The following RIMS2 variants were observed in gnomAD, a reference collection of about 807,000 sequenced individuals.
RIMS2 encodes the protein regulating synaptic membrane exocytosis protein 2.
Under a neutral mutation model 174.4 loss-of-function variants are expected in RIMS2, and 59 were observed. That is an observed-to-expected ratio of 0.34 (90% CI 0.27 to 0.42). RIMS2 has a LOEUF of 0.42. Ranked by LOEUF, RIMS2 falls within the 10% of genes least tolerant of loss-of-function variation. The probability of loss-of-function intolerance (pLI) is 1.00; values close to 1 mark genes in which losing one functional copy is unlikely to be tolerated. For synonymous variants in RIMS2, 606 were observed against 572.5 expected, an observed-to-expected ratio of 1.06 and a Z score of -0.84; for missense variants, 1,620 against 1,666.3, an observed-to-expected ratio of 0.97 and a Z score of 0.48.
intron 19 of RIMS2, among the ~76,000 whole-genome samples, chr8:104,177,552 A>C (rs2098910484): frequency 6.6e-6 from 1 of 152,194 alleles, no homozygotes. Context: ...CAAAAGTAAA[A>C]TAAATTTAAA....
intron 3 of RIMS2, among the ~76,000 whole-genome samples, chr8:103,868,537 G>A (rs2099094485): frequency 6.6e-6 from 1 of 152,022 alleles, no homozygotes. Context: ...AATGTGTTTA[G>A]TAGTCATTAT....
intron 19 of RIMS2, among the ~76,000 whole-genome samples, chr8:104,178,065 A>T (rs1483827801): frequency 6.6e-6 from 1 of 152,176 alleles, no homozygotes; most frequent in Non-Finnish European, 1.5e-5. Context: ...ACAAATGTAG[A>T]GGCTCAAAAC....
chr8:104,110,921 C>T lies in RIMS2; in HGVS notation c.3334+96306C>T, dbSNP rs541243808. ...TATTTTAGTGTAATACTTTCAGAGT[C>T]ATTCAGGGAATGTGCTTAAAACTCA... On this transcript the variant is annotated intron_variant, in intron 19 of 23. Coordinates refer to ENST00000504942, the Ensembl canonical transcript of RIMS2. Among the ~76,000 whole-genome samples, 18 of 152,258 alleles carry T rather than the reference C, an allele frequency of 1.2e-4. No homozygotes were observed. In the South Asian group the frequency reaches 3.5e-3, roughly 30 times the overall value.
chr8:103,805,948 T>C (rs905404294), intron 3 of RIMS2, among the ~76,000 whole-genome samples: 1 of 152,106 alleles, frequency 6.6e-6, no homozygotes, highest in African/African-American at 2.4e-5. Flanking sequence ...ATGGCAAGAC[T>C]ACAGTGTGTG....
intron 19 of RIMS2, among the ~76,000 whole-genome samples, chr8:104,015,906 G>A (rs1182997103): frequency 2.0e-5 from 3 of 152,034 alleles, no homozygotes; most frequent in African/African-American, 4.8e-5. Context: ...AGAAAAGAAA[G>A]TTGTTGAATT....
intron 1 of RIMS2, among the ~76,000 whole-genome samples, chr8:103,695,121 CTG>C (rs1160038121): frequency 6.6e-6 from 1 of 152,134 alleles, no homozygotes; most frequent in Non-Finnish European, 1.5e-5. Context: ...GCTGTGTTGT[CTG>C]TGGTTGGGGA....
intron 2 of RIMS2, among the ~76,000 whole-genome samples, chr8:103,749,499 A>G (rs1433396658): frequency 6.6e-6 from 1 of 151,930 alleles, no homozygotes; most frequent in East Asian, 1.9e-4. Context: ...TTTTTGGTAC[A>G]TAGTAGGTGT....
intron 1 of RIMS2, among the ~76,000 whole-genome samples, chr8:103,622,410 A>G (rs1315804688): frequency 6.6e-6 from 1 of 152,156 alleles, no homozygotes; most frequent in Non-Finnish European, 1.5e-5. Flanking sequence ...CAAACACAAA[A>G]CACATAAAAA....
chr8:104,248,657 A>T (rs759179480), intron 20 of RIMS2, 44 bp from the exon 27 acceptor site: 6 of 1,025,606 alleles, frequency 5.9e-6, no homozygotes, highest in African/African-American at 3.1e-5. Context: ...CCTGAAAATA[A>T]ATAGGGGTTG....
chr8:104,109,011 C>T (rs571067474), intron 19 of RIMS2, among the ~76,000 whole-genome samples: 1 of 152,172 alleles, frequency 6.6e-6, no homozygotes, highest in East Asian at 1.9e-4. Flanking sequence ...TCATCATCCA[C>T]ATTTTTAGTA....
chr8:103,599,128 C>T (rs1392541078), intron 1 of RIMS2, among the ~76,000 whole-genome samples: 1 of 151,940 alleles, frequency 6.6e-6, no homozygotes, highest in African/African-American at 2.4e-5. Flanking sequence ...TTCTTAAGAA[C>T]AACAATAACA....
At chr8:103,576,753 G>C (rs535818468) in intron 1 of RIMS2, among the ~76,000 whole-genome samples, 6 of 152,030 alleles carry the variant, frequency 3.9e-5, no homozygotes, top group African/African-American at 9.7e-5. Flanking sequence ...CAGAACAGAG[G>C]CCTCAGAAAT....
chr8:104,075,460 T>A (rs1291782975), intron 19 of RIMS2, among the ~76,000 whole-genome samples: 1 of 152,204 alleles, frequency 6.6e-6, no homozygotes, highest in Non-Finnish European at 1.5e-5. Flanking sequence ...AGAATGGTTT[T>A]CTATTTTTGA....
intron 1 of RIMS2, among the ~76,000 whole-genome samples, chr8:103,659,394 A>G (rs1479514444): frequency 2.0e-5 from 3 of 152,184 alleles, no homozygotes; most frequent in Admixed American, 2.0e-4. Context: ...AGGGCCCACC[A>G]GCCTAATTTC....
chr8:103,870,246 G>A (rs1185093053), intron 3 of RIMS2, among the ~76,000 whole-genome samples: 2 of 151,578 alleles, frequency 1.3e-5, no homozygotes, highest in African/African-American at 4.9e-5. Context: ...TGAAAAATGG[G>A]GATGATAATA....
chr8:103,729,991 T>C (rs1486667495), intron 2 of RIMS2, among the ~76,000 whole-genome samples: 1 of 152,220 alleles, frequency 6.6e-6, no homozygotes, highest in African/African-American at 2.4e-5. Context: ...GAATGATTCA[T>C]GTGCTGAGGA....
chr8:104,233,450 C>T (rs1186496730), intron 19 of RIMS2, among the ~76,000 whole-genome samples: 1 of 152,124 alleles, frequency 6.6e-6, no homozygotes, highest in East Asian at 1.9e-4. Context: ...GAATAGGAAA[C>T]ACAAAACAAT....
chr8:104,066,893 T>G (rs1001385876), intron 19 of RIMS2, among the ~76,000 whole-genome samples: 3 of 152,114 alleles, frequency 2.0e-5, no homozygotes, highest in African/African-American at 4.8e-5. Context: ...TTTTGAAACA[T>G]TTTCTTCCCT....
chr8:104,030,508 A>C (rs1003207991), intron 19 of RIMS2, among the ~76,000 whole-genome samples: 2 of 152,318 alleles, frequency 1.3e-5, no homozygotes, highest in Middle Eastern at 3.4e-3. Flanking sequence ...ATAAGGCCCT[A>C]CATGACCTGT....
Sources: gnomAD v4.1 joint callset for allele counts (sites outside exome capture counted in the v4.1 genomes callset) on GRCh38, gnomAD v4.1.1 for gene constraint, MANE v1.5 for transcripts, NCBI Gene and HGNC (gene_info 2026-07-23, HGNC 2026-07-21) for gene names.